The following NELL1 variants were observed in gnomAD, a reference collection of about 807,000 sequenced individuals.
NELL1 encodes the protein protein kinase C-binding protein NELL1.
Under a neutral mutation model 107.4 loss-of-function variants are expected in NELL1, and 76 were observed. The observed-to-expected ratio is 0.71, with a 90% CI of 0.59 to 0.86. The LOEUF is 0.86. Ranked by LOEUF, NELL1 falls within the 40% of genes least tolerant of loss-of-function variation. The probability of loss-of-function intolerance (pLI) is 0.00; values close to 1 mark genes in which losing one functional copy is unlikely to be tolerated. For missense variants in NELL1, 1,024 were observed against 1,005.5 expected (o/e 1.02, Z -0.25); for synonymous variants, 353 against 341.2 (o/e 1.03, Z -0.38).
rs572773896 is a variant in NELL1, at chr11:21,156,257, C to G, written c.1426+42543C>G. ...AAGATTAATTTGAAGTTTTGAAGAT[C>G]CAGATGGAATTGGAAATCATACGTT... On this transcript the variant is annotated intron_variant, in intron 13 of 19. Transcript: ENST00000357134. Among the ~76,000 whole-genome samples, 7 of 152,164 alleles carry G rather than the reference C, an allele frequency of 4.6e-5. No homozygotes were observed. In the South Asian group the frequency reaches 1.5e-3, roughly 32 times the overall value.
intron 16 of NELL1, among the ~76,000 whole-genome samples, chr11:21,552,494 AAC>A (rs1856615782): frequency 6.9e-6 from 1 of 145,298 alleles, no homozygotes; most frequent in African/African-American, 2.6e-5. Flanking sequence ...TAGGGTAAGA[AAC>A]ACAGAAAAAA....
At chr11:21,062,032 C>T (rs1034508231) in intron 12 of NELL1, among the ~76,000 whole-genome samples, 6 of 152,152 alleles carry the variant, frequency 3.9e-5, no homozygotes, top group Admixed American at 3.9e-4. Context: ...ACTGGTTGGT[C>T]TATTTTTCCC....
At chr11:21,206,078 A>G (rs1185172233) in intron 13 of NELL1, among the ~76,000 whole-genome samples, 1 of 152,198 alleles carries the variant, frequency 6.6e-6, no homozygotes, top group Non-Finnish European at 1.5e-5. Flanking sequence ...TAGGGCTTCT[A>G]TAACAAATTG....
intron 4 of NELL1, among the ~76,000 whole-genome samples, chr11:20,851,138 C>A (rs1242189242): frequency 6.6e-6 from 1 of 152,094 alleles, no homozygotes; most frequent in Non-Finnish European, 1.5e-5. Flanking sequence ...ACTCTAAAAT[C>A]GAGAAGAAAT....
chr11:21,195,990 A>G (rs1041596175), intron 13 of NELL1, among the ~76,000 whole-genome samples: 5 of 152,230 alleles, frequency 3.3e-5, no homozygotes, highest in African/African-American at 1.2e-4. Flanking sequence ...AGTCTGAGTC[A>G]AAGCAGAATA....
At chr11:21,427,581 T>C (rs2133829664) in intron 15 of NELL1, among the ~76,000 whole-genome samples, 1 of 152,252 alleles carries the variant, frequency 6.6e-6, no homozygotes, top group East Asian at 1.9e-4. Context: ...TGCTAAAAAA[T>C]GTTAAGGCTG....
chr11:21,089,673 T>C (rs941361449), intron 12 of NELL1, among the ~76,000 whole-genome samples: 2 of 152,222 alleles, frequency 1.3e-5, no homozygotes, highest in African/African-American at 4.8e-5. Flanking sequence ...GAGTAAGTTT[T>C]ATAGAATTAA....
chr11:21,126,577 C>T (rs371260960), intron 13 of NELL1, among the ~76,000 whole-genome samples: 1 of 152,162 alleles, frequency 6.6e-6, no homozygotes, highest in African/African-American at 2.4e-5. Context: ...AAGGTTTGAT[C>T]ATGTGAAAGA....
intron 15 of NELL1, among the ~76,000 whole-genome samples, chr11:21,421,770 C>A (rs1486227959): frequency 6.6e-6 from 1 of 152,104 alleles, no homozygotes; most frequent in Non-Finnish European, 1.5e-5. Flanking sequence ...TGATAAAAGA[C>A]ATGAATAAAA....
chr11:20,947,554 T>C (rs1201546398), intron 11 of NELL1, 119 bp downstream of exon 11: 3 of 721,044 alleles, frequency 4.2e-6, no homozygotes, highest in Non-Finnish European at 7.3e-6. Context: ...GCGCTGCTCC[T>C]TAAAAAGTTG....
intron 12 of NELL1, among the ~76,000 whole-genome samples, chr11:20,998,629 A>C (rs1266546338): frequency 2.0e-5 from 3 of 152,188 alleles, no homozygotes; most frequent in East Asian, 3.9e-4. Flanking sequence ...TGTTAAGCCA[A>C]AGCAGCAGCT....
chr11:21,482,448 T>C (rs757908671), intron 15 of NELL1, among the ~76,000 whole-genome samples: 15 of 152,300 alleles, frequency 9.8e-5, no homozygotes, highest in Non-Finnish European at 7.4e-5. Flanking sequence ...TTTCCCAAAT[T>C]TGGATGCTGG....
intron 3 of NELL1, among the ~76,000 whole-genome samples, chr11:20,841,354 G>A (rs1848619659): frequency 7.0e-6 from 1 of 142,966 alleles, no homozygotes; most frequent in African/African-American, 2.6e-5. Context: ...AGCTACTCAT[G>A]TGGTCCCTCC....
intron 16 of NELL1, among the ~76,000 whole-genome samples, chr11:21,537,269 A>G (rs561875605): frequency 2.0e-5 from 3 of 152,152 alleles, no homozygotes; most frequent in Non-Finnish European, 2.9e-5. Flanking sequence ...TGCCTTCCCA[A>G]TGAGTGTAAA....
chr11:21,492,507 C>A (rs554401445), intron 15 of NELL1, among the ~76,000 whole-genome samples: 4 of 151,592 alleles, frequency 2.6e-5, no homozygotes, highest in African/African-American at 9.7e-5. Context: ...AAATGTCCAA[C>A]AATGATAGAC....
Position 21,565,157 on chromosome 11 carries a change from CTG to C in NELL1, c.1980+4778_1980+4779del, listed in dbSNP as rs1856940300. On this transcript the variant is annotated intron_variant, in intron 17 of 19. Coordinates refer to ENST00000357134, the MANE Select transcript of NELL1 (RefSeq NM_006157.5). ...AGCAGCATTATAAATATTTTCCTGT[CTG>C]TGGTGGTTTTGATGGTTGGAGTTAG... 2.6e-5 allele frequency among the ~76,000 whole-genome samples: 4 copies of C among 152,046 alleles called. No homozygotes were observed. The South Asian group carries it at 8.3e-4, about 32-fold the overall frequency.
intron 15 of NELL1, among the ~76,000 whole-genome samples, chr11:21,488,719 C>A (rs1213106929): frequency 6.6e-6 from 1 of 151,908 alleles, no homozygotes; most frequent in African/African-American, 2.4e-5. Flanking sequence ...AGATGGAAAT[C>A]AAAAAATGCC....
At chr11:21,407,359 T>C (rs556164494) in intron 15 of NELL1, among the ~76,000 whole-genome samples, 3 of 152,042 alleles carry the variant, frequency 2.0e-5, no homozygotes, top group African/African-American at 7.2e-5. Flanking sequence ...GAGGCTTCAG[T>C]AAGCCTTGAT....
chr11:21,096,094 G>T (rs10082598), intron 12 of NELL1, among the ~76,000 whole-genome samples: 152,086 of 152,296 alleles, frequency 1, 75,938 homozygotes, highest in East Asian at 1. Flanking sequence ...GAGGATGCAA[G>T]TTGGGTGGGG....
Sources: gnomAD v4.1 joint callset for allele counts (sites outside exome capture counted in the v4.1 genomes callset) on GRCh38, gnomAD v4.1.1 for gene constraint, MANE v1.5 for transcripts, NCBI Gene and HGNC (gene_info 2026-07-23, HGNC 2026-07-21) for gene names.